The following TBC1D10C variants were observed in gnomAD, a reference collection of about 807,000 sequenced individuals.
TBC1D10C encodes carabin.
A neutral mutation model predicts 51.0 loss-of-function variants in TBC1D10C; 49 were observed. The ratio of observed to expected loss-of-function variants is 0.96; its 90% CI spans 0.76 to 1.22. The LOEUF is 1.22. TBC1D10C is among the 50% of genes most tolerant of loss of function. The pLI, the probability that TBC1D10C is intolerant of heterozygous loss-of-function variation, is 0.00. For synonymous variants in TBC1D10C, 281 were observed against 266.7 expected, an observed-to-expected ratio of 1.05 and a Z score of -0.52; for missense variants, 541 against 617.5, an observed-to-expected ratio of 0.88 and a Z score of 1.31.
rs2135060706 is a variant in TBC1D10C at position 67,410,018 on chromosome 11, A to C, written c.*264A>C. 1.4e-5 allele frequency: 6 copies of C among 443,338 alleles called. No individual in the cohort carries two copies. The East Asian group carries it at 2.5e-4, about 19-fold the overall frequency. The allele number at this position is 443,338 out of a possible 1,614,324, so 27.5% of individuals were successfully genotyped here. A position where few individuals can be genotyped will look rare whatever the true frequency, so the allele number is the denominator to read the frequency against. ...TCACAAGTACCAAAGCCAGCACCAA[A>C]GGAGTCAGGGAAGGGGTTGGCTGAG... On this transcript the variant is annotated 3_prime_UTR_variant, in exon 9 of 9. Coordinates refer to ENST00000542590, the MANE Select transcript of TBC1D10C (RefSeq NM_001369496.1).
At chr11:67,404,600 T>C (rs1185506091) in intron 1 of TBC1D10C, among the ~76,000 whole-genome samples, 1 of 152,146 alleles carries the variant, frequency 6.6e-6, no homozygotes. Flanking sequence ...ATCCTTCCCC[T>C]TTGAACCTCT....
At chr11:67,404,900 G>A (rs1374590724) in intron 1 of TBC1D10C, 185 bp from the exon 2 acceptor site, 20 of 581,944 alleles carry the variant, frequency 3.4e-5, no homozygotes, top group African/African-American at 9.4e-5. Context: ...TGCCCACGTC[G>A]GAGCCACATC....
At chr11:67,407,226 C>A in intron 7 of TBC1D10C, 2 of 599,408 alleles carry the variant, frequency 3.3e-6, no homozygotes, top group Non-Finnish European at 5.7e-6. Context: ...CCAGAGGAGG[C>A]AGATGGGGCA....
intron 1 of TBC1D10C, among the ~76,000 whole-genome samples, 159 bp downstream of exon 1, chr11:67,404,513 G>T (rs1863060638): frequency 6.6e-6 from 1 of 152,104 alleles, no homozygotes; most frequent in Non-Finnish European, 1.5e-5. Flanking sequence ...ACCCTAAGGT[G>T]GGAAGGGTCC....
chr11:67,405,623 A>G lies in TBC1D10C; in HGVS notation c.389A>G (p.Gln130Arg). Reference protein sequence around the residue: ...QELAEAPGDPQWMETIGRDLH... With the variant: ...QELAEAPGDPRWMETIGRDLH... The stretch of plus-strand genomic sequence containing the variant: ...CTGGCAGAGGCCCCTGGAGACCCAC[A>G]GTGGATGGAGACCATTGGCAGGGAC... Residue 130 changes from glutamine to arginine, a missense_variant, in exon 4 of 9, where the codon CAG becomes CGG. Physicochemically the swap from Gln to Arg is conservative, Grantham distance 43 (BLOSUM62 1). Coordinates refer to ENST00000542590, the MANE Select transcript of TBC1D10C (RefSeq NM_001369496.1). 6.2e-7 allele frequency: 1 copy of G among 1,613,916 alleles called. No homozygotes were observed. Among genetic ancestry groups the G allele is most frequent in the Non-Finnish European group, 8.5e-7 (1 of 1,179,990 alleles).
At chr11:67,407,159 TCA>T in intron 7 of TBC1D10C, 143 bp downstream of exon 7, 2 of 926,784 alleles carry the variant, frequency 2.2e-6, no homozygotes, top group Non-Finnish European at 3.2e-6. Context: ...TGGCGCTACA[TCA>T]CCCATCACCC....
chr11:67,408,547 C>T (rs564591197), intron 7 of TBC1D10C: 2 of 159,572 alleles, frequency 1.3e-5, no homozygotes, highest in East Asian at 3.7e-4. Context: ...TCACCTGTCA[C>T]CCGGATGCTG....
intron 1 of TBC1D10C, 46 bp downstream of exon 1, chr11:67,404,400 A>AGGGGGCT: frequency 6.7e-7 from 1 of 1,497,086 alleles, no homozygotes; most frequent in Non-Finnish European, 8.9e-7. Context: ...GACAGAGGAC[A>AGGGGGCT]GGGGGCTGAG....
In TBC1D10C at chr11:67,409,917, G is replaced by C; in HGVS notation, c.*163G>C. The C allele has an allele frequency of 3.1e-6, 2 of 642,116 alleles. No individual in the cohort carries two copies. The highest frequency in any genetic ancestry group is 5.2e-6 in the Non-Finnish European group (2 of 381,926). The allele number at this position is 642,116 out of a possible 1,614,324, so 39.8% of individuals were successfully genotyped here. On this transcript the variant is annotated 3_prime_UTR_variant, in exon 9 of 9. Coordinates refer to ENST00000542590, the MANE Select transcript of TBC1D10C (RefSeq NM_001369496.1). The stretch of plus-strand genomic sequence containing the variant: ...GGAGGTCCTCCGTGGTACATACTGG[G>C]TCAGGCACTAGCATGGAGGAGGGTC...
intron 8 of TBC1D10C, 131 bp from the exon 9 acceptor site, chr11:67,409,276 A>T: frequency 7.2e-7 from 1 of 1,390,276 alleles, no homozygotes. Flanking sequence ...TGAGGCCTCC[A>T]GTGGCTTTCT....
At position 67,405,266 on chromosome 11, in the gene TBC1D10C, C is replaced by T. The variant is rs1308890023; in HGVS notation, c.252+82C>T. The T allele has an allele frequency of 5.3e-5, 80 of 1,504,798 alleles. 1 individual carries two copies. Among genetic ancestry groups the T allele is most frequent in the Non-Finnish European group, 9.0e-7 (1 of 1,110,688 alleles). The allele number at this position is 1,504,798 out of a possible 1,614,324, so 93.2% of individuals were successfully genotyped here. A position where few individuals can be genotyped will look rare whatever the true frequency, so the allele number is the denominator to read the frequency against. On this transcript the variant is annotated intron_variant, in intron 2 of 8. Transcript: ENST00000542590. ...CCACATCTTGGCAAAATGTACCCAC[C>T]CTGTGTCCCAGCACCTCCGGCCTTT... is the stretch of plus-strand genomic sequence containing the variant.
chr11:67,404,463 G>T, intron 1 of TBC1D10C, 109 bp downstream of exon 1: 1 of 1,228,452 alleles, frequency 8.1e-7, no homozygotes. Context: ...ATTGGGAGGG[G>T]GACTCAGCCA....
chr11:67,407,066 G>T, intron 7 of TBC1D10C, 50 bp downstream of exon 7: 1 of 1,554,766 alleles, frequency 6.4e-7, no homozygotes, highest in Non-Finnish European at 8.7e-7. Flanking sequence ...GTGTGGGTGG[G>T]GAGGTAGCTC....
chr11:67,406,233 T>C (rs1863159045), intron 5 of TBC1D10C: 3 of 529,436 alleles, frequency 5.7e-6, no homozygotes, highest in Non-Finnish European at 9.9e-6. Context: ...ACCCCAGTCA[T>C]CTAGGAATCT....
At chr11:67,408,836 C>A in intron 7 of TBC1D10C, 143 bp from the exon 8 acceptor site, 1 of 1,138,534 alleles carries the variant, frequency 8.8e-7, no homozygotes, top group Non-Finnish European at 1.2e-6. Context: ...ACCCGAAATG[C>A]AACTCCACCC....
At chr11:67,405,573 C>T (rs773890531) in intron 3 of TBC1D10C, 22 bp from the exon 4 acceptor site, 2 of 1,613,870 alleles carry the variant, frequency 1.2e-6, no homozygotes, top group East Asian at 2.2e-5. Flanking sequence ...ACCCTCACAC[C>T]CACCTTCCTG....
In TBC1D10C at chr11:67,406,917, G is replaced by A. The variant is rs377469565; in HGVS notation, c.739G>A (p.Gly247Arg). ...CAAGCACCTGCAGCAGGTGGGCGTC[G>A]GACCCCTGCTGTACCTGCCCGAGTG... ...VHKHLQQVGV[G>R]PLLYLPEWFL... Residue 247 changes from glycine to arginine, a missense_variant, in exon 7 of 9, where the codon GGA (glycine) becomes AGA (arginine). Gly to Arg is a moderately radical substitution (Grantham distance 125). Coordinates refer to ENST00000542590, the MANE Select transcript of TBC1D10C (RefSeq NM_001369496.1). 2.3e-5 allele frequency: 37 copies of A among 1,612,474 alleles called. No homozygotes were observed. The highest frequency in any genetic ancestry group is 2.9e-5 in the Non-Finnish European group (34 of 1,179,952).
In TBC1D10C at chr11:67,404,265, C is replaced by T. The variant is rs2514256; in HGVS notation, c.63C>T (p.Ser21=). Residue 21 remains serine, a synonymous_variant, in exon 1 of 9, where the codon TCC becomes TCT. Transcript: ENST00000542590. ...CCGAGCTGCAGGATGACTCCAGCTC[C>T]TTGGGGTCCGACTCAGAGCTCAGCG... is the stretch of plus-strand genomic sequence containing the variant. ...QPPELQDDSS[S]LGSDSELSGP... is the part of the protein sequence containing the mutation. The T allele has an allele frequency of 0.12, 190,640 of 1,602,658 alleles. 30,641 individuals are homozygous for T. The highest frequency in any genetic ancestry group is 0.72 in the African/African-American group (53,507 of 74,244).
Position 67,404,220 on chromosome 11 carries a change from G to A in TBC1D10C, c.18G>A (p.Gly6=). The A allele has an allele frequency of 6.4e-7, 1 of 1,568,890 alleles. No individual in the cohort carries two copies. Among genetic ancestry groups the A allele is most frequent in the Non-Finnish European group, 8.7e-7 (1 of 1,152,740 alleles). MAQAL[G]EDLVQPPELQ... is the part of the protein sequence containing the mutation. ...CGGGCACCATGGCCCAGGCCCTGGG[G>A]GAGGACCTGGTGCAGCCTCCCGAGC... Residue 6 remains glycine (G), a synonymous_variant, in exon 1 of 9, where the codon GGG becomes GGA. Transcript: ENST00000542590.
Sources: allele counts gnomAD v4.1 joint callset (sites outside exome capture counted in the v4.1 genomes callset), GRCh38; gene constraint gnomAD v4.1.1; transcripts MANE v1.5; gene names NCBI Gene and HGNC (gene_info 2026-07-23, HGNC 2026-07-21).